Variants in ERBIN observed in about 807,000 individuals in gnomAD.
ERBIN encodes densin-180-like protein.
Under a neutral mutation model 158.4 loss-of-function variants are expected in ERBIN, and 60 were observed. The ratio of observed to expected loss-of-function variants is 0.38; its 90% confidence interval spans 0.31 to 0.47. The LOEUF is 0.47. Ranked by LOEUF, ERBIN falls within the 20% of genes least tolerant of loss-of-function variation. The pLI, the probability that ERBIN is intolerant of heterozygous loss-of-function variation, is 0.99. For synonymous variants in ERBIN, 594 were observed against 557.2 expected (o/e 1.07, Z -0.93); for missense variants, 1,610 against 1,648.0 (o/e 0.98, Z 0.40).
chr5:66,020,376 C>T (rs1448060576), intron 7 of ERBIN, among the ~76,000 whole-genome samples: 9 of 151,648 alleles, frequency 5.9e-5, no homozygotes, highest in Admixed American at 6.6e-5. Flanking sequence ...TTTTTCGTGC[C>T]GTAATTTGAA....
At chr5:65,929,657 T>A in intron 1 of ERBIN, among the ~76,000 whole-genome samples, 3 of 141,480 alleles carry the variant, frequency 2.1e-5, no homozygotes, top group East Asian at 2.0e-4. Context: ...TTTTTTTTTT[T>A]CGAGATGGAG....
At chr5:65,989,815 C>T (rs1751673630) in intron 2 of ERBIN, among the ~76,000 whole-genome samples, 1 of 152,144 alleles carries the variant, frequency 6.6e-6, no homozygotes, top group African/African-American at 2.4e-5. Flanking sequence ...TAGTGGCTAC[C>T]ATACTGGACA....
chr5:66,010,153 T>C (rs1457451920), intron 4 of ERBIN, among the ~76,000 whole-genome samples: 1 of 152,212 alleles, frequency 6.6e-6, no homozygotes, highest in Non-Finnish European at 1.5e-5. Flanking sequence ...CTTCCTCTCA[T>C]TACTTCCTTA....
At chr5:66,074,980 G>T (rs750347135) in intron 22 of ERBIN, 44 bp from the exon 23 acceptor site, 17 of 1,553,100 alleles carry the variant, frequency 1.1e-5, no homozygotes, top group Non-Finnish European at 1.5e-5. Flanking sequence ...TTTGAAATAA[G>T]ACATTATTAT....
At chr5:66,044,804 T>C (rs778922023) in intron 17 of ERBIN, among the ~76,000 whole-genome samples, 7 of 151,900 alleles carry the variant, frequency 4.6e-5, no homozygotes, top group Non-Finnish European at 1.0e-4. Context: ...TGGCTGGCCA[T>C]GGTGGCTCAC....
intron 1 of ERBIN, among the ~76,000 whole-genome samples, chr5:65,979,332 G>T (rs915300409): frequency 6.6e-6 from 1 of 152,122 alleles, no homozygotes; most frequent in African/African-American, 2.4e-5. Context: ...GGAGACTGAG[G>T]TTGGGGATTA....
At chr5:65,937,054 C>A (rs762411791) in intron 1 of ERBIN, among the ~76,000 whole-genome samples, 1 of 152,134 alleles carries the variant, frequency 6.6e-6, no homozygotes, top group Non-Finnish European at 1.5e-5. Context: ...TTTAAATCCA[C>A]GACTTACTAA....
intron 21 of ERBIN, among the ~76,000 whole-genome samples, chr5:66,065,199 A>G (rs1164497435): frequency 6.6e-6 from 1 of 152,206 alleles, no homozygotes; most frequent in Non-Finnish European, 1.5e-5. Flanking sequence ...AACCATGTGA[A>G]TGAGTGAATT....
intron 20 of ERBIN, among the ~76,000 whole-genome samples, chr5:66,052,046 A>G (rs1347555921): frequency 2.6e-5 from 4 of 151,824 alleles, no homozygotes; most frequent in African/African-American, 9.7e-5. Context: ...TCTACAAAAA[A>G]ATTGGCCAGG....
intron 19 of ERBIN, 95 bp downstream of exon 19, chr5:66,048,876 A>C (rs1394578306): frequency 2.9e-5 from 21 of 715,190 alleles, no homozygotes; most frequent in Non-Finnish European, 4.4e-5. Context: ...ATGTTATTTG[A>C]TACATTTTAG....
chr5:65,994,103 A>G (rs1290392546), intron 3 of ERBIN, among the ~76,000 whole-genome samples: 13 of 152,198 alleles, frequency 8.5e-5, no homozygotes, highest in Admixed American at 7.9e-4. Context: ...TTATATGGCT[A>G]TGGATAAAAG....
chr5:65,931,819 CT>C (rs36048820), intron 1 of ERBIN, among the ~76,000 whole-genome samples: 1,777 of 131,894 alleles, frequency 0.013, 14 homozygotes, highest in South Asian at 0.043. Context: ...TCTTTTCTTT[CT>C]TTTTTTTTTT....
intron 1 of ERBIN, among the ~76,000 whole-genome samples, chr5:65,930,484 A>G (rs575832059): frequency 1.3e-5 from 2 of 152,028 alleles, no homozygotes; most frequent in African/African-American, 2.4e-5. Flanking sequence ...ATTTTTTTGT[A>G]TTTTTAGTAG....
chr5:66,077,787 CACACACAT>C lies in ERBIN; in HGVS notation c.4132-628_4132-621del, dbSNP rs897153108. 1.2e-4 allele frequency among the ~76,000 whole-genome samples: 15 copies of C among 130,176 alleles called. No individual in the cohort carries two copies. In the East Asian group the frequency reaches 1.4e-3, roughly 12 times the overall value. The allele number at this position is 130,176 out of a possible 152,430, so 85.4% of individuals were successfully genotyped here. On this transcript the variant is annotated intron_variant, in intron 25 of 25. Coordinates refer to ENST00000284037, the MANE Select transcript of ERBIN (RefSeq NM_001253697.2). ...ACACACACACACACACACACACACA[CACACACAT>C]ACACACACACACACAGTCACACTCA...
chr5:65,934,142 TG>T, intron 1 of ERBIN, among the ~76,000 whole-genome samples: 1 of 152,172 alleles, frequency 6.6e-6, no homozygotes, highest in Non-Finnish European at 1.5e-5. Context: ...ATGATTTGCC[TG>T]CCTTGGCCTC....
chr5:66,013,741 C>T, intron 6 of ERBIN, 103 bp downstream of exon 6: 2 of 659,844 alleles, frequency 3.0e-6, no homozygotes, highest in Non-Finnish European at 2.6e-6. Flanking sequence ...TTCATAGGCT[C>T]TTTTTAAATT....
chr5:66,028,867 A>T (rs553129590), intron 14 of ERBIN, among the ~76,000 whole-genome samples: 1 of 152,094 alleles, frequency 6.6e-6, no homozygotes, highest in African/African-American at 2.4e-5. Context: ...TCTTTTTTAG[A>T]TTCCTCATAT....
intron 4 of ERBIN, among the ~76,000 whole-genome samples, chr5:66,011,179 A>G (rs954315868): frequency 1.3e-5 from 2 of 152,212 alleles, no homozygotes; most frequent in African/African-American, 4.8e-5. Flanking sequence ...GTGAAGGGAA[A>G]AGGTTGAGAA....
At chr5:66,068,168 A>AAAG (rs1554068621) in intron 21 of ERBIN, among the ~76,000 whole-genome samples, 4 of 150,982 alleles carry the variant, frequency 2.6e-5, no homozygotes, top group Non-Finnish European at 5.9e-5. Flanking sequence ...GTCTCTACAA[A>AAAG]AATAATAATA....
Sources: allele counts gnomAD v4.1 joint callset (sites outside exome capture counted in the v4.1 genomes callset), GRCh38; gene constraint gnomAD v4.1.1; transcripts MANE v1.5; gene names NCBI Gene and HGNC (gene_info 2026-07-23, HGNC 2026-07-21).